The following SRM variants were observed in gnomAD, a reference collection of about 807,000 sequenced individuals.
The protein encoded by SRM is spermidine synthase.
Under a neutral mutation model 39.3 loss-of-function variants are expected in SRM, and 14 were observed. That is an observed-to-expected ratio of 0.36 (90% CI 0.24 to 0.56). The LOEUF is 0.56. Among genes scored for constraint, SRM ranks in the 20% least tolerant of loss-of-function variants. SRM has a pLI of 0.86. For missense variants in SRM, 244 were observed against 409.2 expected (o/e 0.60, Z 3.48); for synonymous variants, 195 against 173.1 (o/e 1.13, Z -0.99).
Position 11,055,910 on chromosome 1 carries a change from C to T in SRM, c.636G>A (p.Leu212=), listed in dbSNP as rs373793166. The part of the protein sequence containing the change: ...VLCCQGECQW[L]HLDLIKEMRQ... The stretch of plus-strand genomic sequence containing the variant: ...GCATCTCCTTGATGAGGTCCAGGTG[C>T]AGCCACTGGCACTCGCCTGGGGGCC... Residue 212 remains leucine, a synonymous_variant, in exon 6 of 8, where the codon CTG becomes CTA. Transcript: ENST00000376957. The T allele has an allele frequency of 2.2e-5, 35 of 1,603,994 alleles. No homozygotes were observed. The African/African-American group carries it at 4.3e-4, about 20-fold the overall frequency.
chr1:11,055,097 C>A lies in SRM; in HGVS notation c.766-13G>T, dbSNP rs569604359. ...GGAAGTTCGTGCTCTGGGGACCGGG[C>A]CAGGGGCACATCAGGGGGGGCACTT... On this transcript the variant is annotated splice_polypyrimidine_tract_variant and intron_variant, in intron 6 of 7. Coordinates refer to ENST00000376957, the MANE Select transcript of SRM (RefSeq NM_003132.3). The A allele has an allele frequency of 9.4e-6, 15 of 1,594,470 alleles. 1 individual carries two copies. In the South Asian group the frequency reaches 1.5e-4, roughly 16 times the overall value.
rs1027885526 is a variant in SRM, at chr1:11,059,113, C to T, written c.288+112G>A. The T allele has an allele frequency of 6.4e-6, 10 of 1,562,606 alleles. No individual in the cohort carries two copies. The African/African-American group carries it at 1.2e-4, about 19-fold the overall frequency. On this transcript the variant is annotated intron_variant, in intron 2 of 7. Transcript: ENST00000376957. ...GCCCCCACCCCTCCGCGGGACGCCC[C>T]TGGCCTCGCTAGCACTTTCTCTGAC...
At chr1:11,059,603 G>A (rs915162816) in intron 1 of SRM, 174 bp downstream of exon 1, 10 of 957,038 alleles carry the variant, frequency 1.0e-5, no homozygotes, top group Admixed American at 8.8e-5. Context: ...CCACCCAAGA[G>A]GCCAGCCCGC....
rs1448435471 is a variant in SRM, at chr1:11,055,039, C to T, written c.811G>A (p.Val271Met). 4.3e-6 allele frequency: 7 copies of T among 1,612,550 alleles called. No individual in the cohort carries two copies. The highest frequency in any genetic ancestry group is 5.1e-6 in the Non-Finnish European group (6 of 1,179,624). The change falls in exon 7 of 8, where the codon GTG (valine) becomes ATG (methionine). Residue 271 changes from valine to methionine, a missense_variant. Transcript: ENST00000376957. ...TAGTACTTCAGCTGCATCTGCGCCA[C>T]CTGCTGCTGTGTCAGCGGCTGCACC... ...EPVQPLTQQQVAQMQLKYYNS... is the reference protein window; with the variant it reads ...EPVQPLTQQQMAQMQLKYYNS...
Position 11,059,983 on chromosome 1 carries a change from G to A in SRM, c.-40C>T, listed in dbSNP as rs1194646599. ...CGGCGCGGGGCGCGGGCCCGGGACT[G>A]CAGGCCGCGCGGCGCCGCAGCACAA... On this transcript the variant is annotated 5_prime_UTR_variant, in exon 1 of 8. Transcript: ENST00000376957. The A allele has an allele frequency of 5.2e-6, 5 of 957,582 alleles. No homozygotes were observed. In the East Asian group the frequency reaches 4.7e-4, roughly 89 times the overall value. 59.3% of individuals were successfully genotyped at this position (957,582 alleles called of 1,614,324 possible). A position where few individuals can be genotyped will look rare whatever the true frequency, so the allele number is the denominator to read the frequency against.
intron 1 of SRM, 137 bp downstream of exon 1, chr1:11,059,640 G>A (rs910364977): frequency 1.5e-5 from 16 of 1,097,830 alleles, no homozygotes; most frequent in Non-Finnish European, 1.9e-5. Flanking sequence ...CAGGGAGGCG[G>A]TGTGAGGGGT....
At position 11,058,806 on chromosome 1, in the gene SRM, G is replaced by T. The variant is rs1240061624; in HGVS notation, c.375C>A (p.Ile125=). Residue 125 remains isoleucine (I), a synonymous_variant, in exon 3 of 8, where the codon ATC becomes ATA. Transcript: ENST00000376957. ...PSVESVVQCE[I]DEDVIQVSKK... ...GCTCTACGCCGGCACTCACCTCGTC[G>T]ATCTCACACTGGACCACGGACTCCA... is the stretch of plus-strand genomic sequence containing the variant. 1.9e-6 allele frequency: 3 copies of T among 1,608,744 alleles called. No homozygotes were observed. The highest frequency in any genetic ancestry group is 1.6e-4 in the Middle Eastern group (1 of 6,062).
Position 11,054,687 on chromosome 1 carries a change from G to GAGAC in SRM, c.*174_*177dup. The GAGAC allele has an allele frequency of 1.1e-6, 1 of 889,798 alleles. No homozygotes were observed. The highest frequency in any genetic ancestry group is 1.7e-6 in the Non-Finnish European group (1 of 603,036). The allele number at this position is 889,798 out of a possible 1,614,324, so 55.1% of individuals were successfully genotyped here. A position where few individuals can be genotyped will look rare whatever the true frequency, so the allele number is the denominator to read the frequency against. On this transcript the variant is annotated 3_prime_UTR_variant, in exon 8 of 8. Transcript: ENST00000376957. This position sits in a 1 kb window ranked among gnomAD's most constrained non-coding sequence, Gnocchi z 4.8. ...ATAGGCTTGGAGGTGGAACGCCAGA[G>GAGAC]AGACAGACACACAGACAGTCCGCCC...
Position 11,054,616 on chromosome 1 carries a change from G to T in SRM, c.*249C>A. The T allele has an allele frequency of 1.8e-6, 1 of 551,844 alleles. No individual in the cohort carries two copies. Among genetic ancestry groups the T allele is most frequent in the Non-Finnish European group, 3.1e-6 (1 of 318,608 alleles). The allele number at this position is 551,844 out of a possible 1,614,324, so 34.2% of individuals were successfully genotyped here. ...TGCTATAAATACACGTGTTTGGTGA[G>T]TGAGGGGCAACAGAAGGCAGAGAGA... On this transcript the variant is annotated 3_prime_UTR_variant, in exon 8 of 8. Transcript: ENST00000376957. The surrounding 1 kb of genome is among the most constrained non-coding windows in gnomAD (Gnocchi z 4.8).
chr1:11,056,162 C>T, intron 4 of SRM, 68 bp from the exon 5 acceptor site: 1 of 1,426,546 alleles, frequency 7.0e-7, no homozygotes, highest in Admixed American at 2.4e-5. Flanking sequence ...GTCACCCACA[C>T]AGCTACCAGG....
intron 3 of SRM, 142 bp downstream of exon 3, chr1:11,058,658 C>T: frequency 1.5e-6 from 1 of 671,822 alleles, no homozygotes; most frequent in Middle Eastern, 2.5e-4. Context: ...TCTGGTTTTC[C>T]TACTGAACCC....
rs2100918949 is a variant in SRM at position 11,054,652 on chromosome 1, C to T, written c.*213G>A. The stretch of plus-strand genomic sequence containing the variant: ...CAGAAGGCAGAGAGATGGCGCTGTA[C>T]ACAGCTGGTATAGGCTTGGAGGTGG... On this transcript the variant is annotated 3_prime_UTR_variant, in exon 8 of 8. Transcript: ENST00000376957. This position sits in a 1 kb window ranked among gnomAD's most constrained non-coding sequence, Gnocchi z 4.8. 5 of 655,212 alleles carry T rather than the reference C, an allele frequency of 7.6e-6. No homozygotes were observed. In the South Asian group the frequency reaches 1.0e-4, roughly 13 times the overall value. The allele number at this position is 655,212 out of a possible 1,614,324, so 40.6% of individuals were successfully genotyped here.
At position 11,054,917 on chromosome 1, in the gene SRM, C is replaced by T. The variant is rs771966813; in HGVS notation, c.889-32G>A. 1 of 1,611,812 alleles carries T rather than the reference C, an allele frequency of 6.2e-7. No homozygotes were observed. Among genetic ancestry groups the T allele is most frequent in the South Asian group, 1.1e-5 (1 of 90,960 alleles). On this transcript the variant is annotated intron_variant, in intron 7 of 7. Coordinates refer to ENST00000376957, the MANE Select transcript of SRM (RefSeq NM_003132.3). This position sits in a 1 kb window ranked among gnomAD's most constrained non-coding sequence, Gnocchi z 4.8. ...GGACATGAGGCCAGTCAGGAGGGCG[C>T]TCTGGGTCCCTGGGTCCCACCACCC...
chr1:11,058,757 T>G (rs2100923526), intron 3 of SRM, 43 bp downstream of exon 3: 1 of 1,540,818 alleles, frequency 6.5e-7, no homozygotes, highest in African/African-American at 1.4e-5. Context: ...AGCTGGCCGC[T>G]GGGAGAACCA....
intron 1 of SRM, 93 bp from the exon 2 acceptor site, chr1:11,059,438 G>A: frequency 2.6e-6 from 4 of 1,564,078 alleles, no homozygotes; most frequent in Non-Finnish European, 3.5e-6. Context: ...TCCCCATCCC[G>A]CCTAGGGGTC....
In SRM at chr1:11,059,486, C is replaced by G. The variant is rs565633906; in HGVS notation, c.168-141G>C. 1,282 of 1,445,238 alleles carry G rather than the reference C, an allele frequency of 8.9e-4. 5 individuals carry two copies. The highest frequency in any genetic ancestry group is 3.0e-3 in the South Asian group (233 of 77,168). The allele number at this position is 1,445,238 out of a possible 1,614,324, so 89.5% of individuals were successfully genotyped here. A position where few individuals can be genotyped will look rare whatever the true frequency, so the allele number is the denominator to read the frequency against. On this transcript the variant is annotated intron_variant, in intron 1 of 7. Coordinates refer to ENST00000376957, the MANE Select transcript of SRM (RefSeq NM_003132.3). ...AGCGATGGTGACACGTGGCGAGGAA[C>G]GGCAGGCGGGCCGCCGGGTGGAGGC...
rs1638885472 is a variant in SRM, at chr1:11,056,767, A to T, written c.382-10T>A. The T allele has an allele frequency of 2.5e-6, 4 of 1,613,836 alleles. No homozygotes were observed. Among genetic ancestry groups the T allele is most frequent in the Non-Finnish European group, 3.4e-6 (4 of 1,179,858 alleles). On this transcript the variant is annotated splice_polypyrimidine_tract_variant and intron_variant, in intron 3 of 7. Transcript: ENST00000376957. ...AGACTTGGATGACATCCTGGAGGGG[A>T]TGGGAGGGACCAGTCTGGGCCAAGG...
At chr1:11,058,278 C>T (rs906388316) in intron 3 of SRM, among the ~76,000 whole-genome samples, 16 of 149,338 alleles carry the variant, frequency 1.1e-4, no homozygotes, top group East Asian at 4.3e-4. Context: ...TCAGCTTAGT[C>T]GGCTGGGCGT....
rs1219179247 is a variant in SRM, at chr1:11,054,998, G to A, written c.852C>T (p.His284=). ...MQLKYYNSDV[H]RAAFVLPEFA... ...ACTCGGGCAGCACAAAGGCGGCGCG[G>A]TGCACGTCGGAGTTGTAGTACTTCA... Residue 284 remains histidine, a synonymous_variant, in exon 7 of 8, where the codon CAC becomes CAT. Transcript: ENST00000376957. The surrounding 1 kb of genome is among the most constrained non-coding windows in gnomAD (Gnocchi z 4.8). 1.2e-6 allele frequency: 2 copies of A among 1,612,776 alleles called. No individual in the cohort carries two copies. Among genetic ancestry groups the A allele is most frequent in the East Asian group, 2.2e-5 (1 of 44,882 alleles).
Sources: allele counts gnomAD v4.1 joint callset (sites outside exome capture counted in the v4.1 genomes callset), GRCh38; gene constraint gnomAD v4.1.1; non-coding constraint Gnocchi (gnomAD v3.1); transcripts MANE v1.5; gene names NCBI Gene and HGNC (gene_info 2026-07-23, HGNC 2026-07-21).